The following DSTYK variants were observed in gnomAD, a reference collection of about 807,000 sequenced individuals.
The protein encoded by DSTYK is RIP-homologous kinase.
In DSTYK, 34 loss-of-function variants were observed where a neutral mutation model predicts 98.7. The observed-to-expected ratio is 0.34, with a 90% CI of 0.26 to 0.46. The LOEUF is 0.46. Ranked by LOEUF, DSTYK falls within the 20% of genes least tolerant of loss-of-function variation. The pLI is 1.00. For synonymous variants in DSTYK, 462 were observed against 457.3 expected (o/e 1.01, Z -0.13); for missense variants, 962 against 1,181.7 (o/e 0.81, Z 2.73).
At chr1:205,209,630 TG>T (rs1659309378) in intron 1 of DSTYK, among the ~76,000 whole-genome samples, 1 of 64,144 alleles carries the variant, frequency 1.6e-5, no homozygotes, top group African/African-American at 3.2e-5. Flanking sequence ...AGGAGGGGGA[TG>T]ACTAGTTTTT....
Position 205,187,400 on chromosome 1 carries a change from G to C in DSTYK, c.654+18C>G, listed in dbSNP as rs1328159787. The C allele has an allele frequency of 6.3e-7, 1 of 1,590,080 alleles. No individual in the cohort carries two copies. The highest frequency in any genetic ancestry group is 8.6e-7 in the Non-Finnish European group (1 of 1,166,536). On this transcript the variant is annotated intron_variant, in intron 2 of 12. Coordinates refer to ENST00000367162, the MANE Select transcript of DSTYK (RefSeq NM_015375.3). ...GGTATATATGTATACAATTGGTATA[G>C]AAGTATGAGATTGGTACCTGTAAGA...
intron 1 of DSTYK, among the ~76,000 whole-genome samples, chr1:205,198,582 A>C (rs1373906905): frequency 6.6e-6 from 1 of 152,210 alleles, no homozygotes; most frequent in East Asian, 1.9e-4. Context: ...AATATTCCTA[A>C]AACGTAAACT....
chr1:205,168,337 C>T (rs2102411567), intron 3 of DSTYK, among the ~76,000 whole-genome samples: 1 of 152,282 alleles, frequency 6.6e-6, no homozygotes, highest in East Asian at 1.9e-4. Context: ...GGGCAAATTA[C>T]TTACTCTTTC....
chr1:205,198,887 G>A (rs1338776810), intron 1 of DSTYK, among the ~76,000 whole-genome samples: 1 of 150,120 alleles, frequency 6.7e-6, no homozygotes, highest in Non-Finnish European at 1.5e-5. Flanking sequence ...GCTGGAGTGT[G>A]GTGGCGCGAT....
chr1:205,184,920 C>T lies in DSTYK; in HGVS notation c.654+2498G>A, dbSNP rs560553397. The stretch of plus-strand genomic sequence containing the variant: ...ATTTAAACCAATAAAATGAAGGGGC[C>T]GGGTATGGTGGCTCATGCCTGTAAT... On this transcript the variant is annotated intron_variant, in intron 2 of 12. Coordinates refer to ENST00000367162, the MANE Select transcript of DSTYK (RefSeq NM_015375.3). 1.1e-4 allele frequency among the ~76,000 whole-genome samples: 16 copies of T among 152,212 alleles called. 1 individual carries two copies. In the South Asian group the frequency reaches 3.3e-3, roughly 32 times the overall value.
chr1:205,162,095 T>C lies in DSTYK; in HGVS notation c.1759A>G (p.Ser587Gly). 5 of 1,614,142 alleles carry C rather than the reference T, an allele frequency of 3.1e-6. No homozygotes were observed. The highest frequency in any genetic ancestry group is 4.2e-6 in the Non-Finnish European group (5 of 1,179,990). The change falls in exon 6 of 13, where the codon AGC (serine) becomes GGC (glycine). Residue 587 changes from serine (S) to glycine (G), a missense_variant. Coordinates refer to ENST00000367162, the MANE Select transcript of DSTYK (RefSeq NM_015375.3). ...CTATTGAGCCGAGTCCGGAATTGGC[T>C]GCAAATGCTCTTAGCCAATTTGGAG... ...SASKLAKSICSQFRTRLNSSH... is the reference protein window; with the variant it reads ...SASKLAKSICGQFRTRLNSSH...
At position 205,211,665 on chromosome 1, in the gene DSTYK, C is replaced by G; in HGVS notation, c.-130G>C. On this transcript the variant is annotated 5_prime_UTR_variant, in exon 1 of 13. Transcript: ENST00000367162. ...GCCCCCGCCTGCAGTCAGCCTGGCT[C>G]CCAACCTCCGTCACTGCCGTTGCAA... 2 of 1,277,780 alleles carry G rather than the reference C, an allele frequency of 1.6e-6. 1 individual carries two copies. Among genetic ancestry groups the G allele is most frequent in the South Asian group, 3.3e-5 (2 of 60,688 alleles). 79.2% of individuals were successfully genotyped at this position (1,277,780 alleles called of 1,614,324 possible). A position where few individuals can be genotyped will look rare whatever the true frequency, so the allele number is the denominator to read the frequency against.
chr1:205,187,346 T>G (rs993108090), intron 2 of DSTYK, 72 bp downstream of exon 2: 2 of 1,491,354 alleles, frequency 1.3e-6, no homozygotes, highest in African/African-American at 2.8e-5. Context: ...CGAATTACTT[T>G]TTTAGAAAGT....
At chr1:205,162,323 A>G in intron 5 of DSTYK, 111 bp from the exon 6 acceptor site, 2 of 1,283,212 alleles carry the variant, frequency 1.6e-6, no homozygotes, top group Admixed American at 2.5e-5. Flanking sequence ...CAGGCTCATA[A>G]GATGGGAGCC....
At chr1:205,185,085 C>T (rs768457474) in intron 2 of DSTYK, among the ~76,000 whole-genome samples, 2 of 152,096 alleles carry the variant, frequency 1.3e-5, no homozygotes, top group Non-Finnish European at 2.9e-5. Flanking sequence ...CCTGTAATCC[C>T]AGCTACTTGG....
rs756357681 is a variant in DSTYK at position 205,163,901 on chromosome 1, C to G, written c.1379G>C (p.Cys460Ser). ...EPVGTREIKC[C>S]IRQIQELIIS... ...GATGAGTTCCTGGATCTGTCGGATG[C>G]AGCATTTGATCTCTCTGGTGCCTAC... Residue 460 changes from cysteine (C) to serine (S), a missense_variant, in exon 4 of 13, where the codon TGC becomes TCC. Transcript: ENST00000367162. 1 of 1,614,136 alleles carries G rather than the reference C, an allele frequency of 6.2e-7. No homozygotes were observed. The highest frequency in any genetic ancestry group is 8.5e-7 in the Non-Finnish European group (1 of 1,180,024).
At position 205,146,573 on chromosome 1, in the gene DSTYK, A is replaced by AT. The variant is rs146051023; in HGVS notation, c.*984dup. The AT allele has an allele frequency of 4.1e-3, 565 of 138,102 alleles. 1 individual carries two copies. Among genetic ancestry groups the AT allele is most frequent in the East Asian group, 8.8e-3 (42 of 4,754 alleles). 8.6% of individuals were successfully genotyped at this position (138,102 alleles called of 1,614,324 possible). A position where few individuals can be genotyped will look rare whatever the true frequency, so the allele number is the denominator to read the frequency against. On this transcript the variant is annotated 3_prime_UTR_variant, in exon 13 of 13. Transcript: ENST00000367162. ...ACACAAATATATGCATACACATTCTATTTTTTTTTTTTTTTTGAGACAGAG... is the reference window on the plus strand; with the variant it reads ...ACACAAATATATGCATACACATTCTATTTTTTTTTTTTTTTTTGAGACAGAG...
Position 205,162,194 on chromosome 1 carries a change from A to G in DSTYK, c.1660T>C (p.Trp554Arg). 1 of 1,614,122 alleles carries G rather than the reference A, an allele frequency of 6.2e-7. No homozygotes were observed. Among genetic ancestry groups the G allele is most frequent in the Non-Finnish European group, 8.5e-7 (1 of 1,179,972 alleles). Residue 554 changes from tryptophan to arginine, a missense_variant, in exon 6 of 13, where the codon TGG becomes CGG. Transcript: ENST00000367162. ...AGAGTGATGGCAGGTGGGCTCACCC[A>G]TGTGATGCGCTGGATGATCTACCAG... ...QIKQIIQRIT[W>R]VSPPAITLEW... is the part of the protein sequence containing the mutation.
rs1368565900 is a variant in DSTYK, at chr1:205,150,551, C to G, written c.2467+129G>C. 1.4e-6 allele frequency: 1 copy of G among 699,988 alleles called. No homozygotes were observed. Among genetic ancestry groups the G allele is most frequent in the Non-Finnish European group, 2.5e-6 (1 of 407,794 alleles). The allele number at this position is 699,988 out of a possible 1,614,324, so 43.4% of individuals were successfully genotyped here. A position where few individuals can be genotyped will look rare whatever the true frequency, so the allele number is the denominator to read the frequency against. On this transcript the variant is annotated intron_variant, in intron 11 of 12. Coordinates refer to ENST00000367162, the MANE Select transcript of DSTYK (RefSeq NM_015375.3). This position sits in a 1 kb window ranked among gnomAD's most constrained non-coding sequence, Gnocchi z 4.1. The stretch of plus-strand genomic sequence containing the variant: ...TGCTACTTGCCTTAGGTAGGTCTCC[C>G]CTGATCTGGTTTCTCCCTTGCCTGT...
intron 1 of DSTYK, among the ~76,000 whole-genome samples, chr1:205,195,810 TG>T (rs1353427817): frequency 2.0e-5 from 3 of 152,126 alleles, no homozygotes; most frequent in South Asian, 4.1e-4. Flanking sequence ...CCACGTGAAA[TG>T]GGAACGCACT....
At chr1:205,195,863 C>G (rs992522117) in intron 1 of DSTYK, among the ~76,000 whole-genome samples, 3 of 152,190 alleles carry the variant, frequency 2.0e-5, no homozygotes, top group African/African-American at 7.2e-5. Context: ...TGAAACTGCT[C>G]CTGAGACTGG....
intron 1 of DSTYK, among the ~76,000 whole-genome samples, chr1:205,189,146 C>G (rs1470754731): frequency 8.9e-6 from 1 of 112,198 alleles, no homozygotes. Flanking sequence ...AAATAAAAAT[C>G]TAAAACAAAA....
rs34026622 is a variant in DSTYK, at chr1:205,183,079, A to AAGC, written c.654+4338_654+4339insGCT. ...TAGGTGTTCACAGGAAAAAAAAAAA[A>AAGC]GCACACACACACACACACACACAGA... is the stretch of plus-strand genomic sequence containing the variant. On this transcript the variant is annotated intron_variant, in intron 2 of 12. Transcript: ENST00000367162. Among the ~76,000 whole-genome samples, 372 of 122,296 alleles carry AAGC rather than the reference A, an allele frequency of 3.0e-3. 1 individual carries two copies. Among genetic ancestry groups the AAGC allele is most frequent in the African/African-American group, 7.5e-3 (241 of 32,322 alleles). The allele number at this position is 122,296 out of a possible 152,430, so 80.2% of individuals were successfully genotyped here.
intron 1 of DSTYK, among the ~76,000 whole-genome samples, chr1:205,189,626 C>G (rs868597461): frequency 2.0e-5 from 3 of 152,290 alleles, no homozygotes; most frequent in Middle Eastern, 3.4e-3. Context: ...CAGAGTGAAC[C>G]TACCTAGCTA....
Sources: gnomAD v4.1 joint callset for allele counts (sites outside exome capture counted in the v4.1 genomes callset) on GRCh38, gnomAD v4.1.1 for gene constraint, Gnocchi (gnomAD v3.1) non-coding constraint, MANE v1.5 for transcripts, NCBI Gene and HGNC (gene_info 2026-07-23, HGNC 2026-07-21) for gene names.